Variants in SPNS3 observed in about 807,000 individuals in gnomAD.
The protein encoded by SPNS3 is protein spinster homolog 3.
SPNS3 carries 51 observed loss-of-function variants against 54.4 expected under a neutral mutation model. That is an observed-to-expected ratio of 0.94 (90% CI 0.75 to 1.18). The LOEUF (loss-of-function observed/expected upper bound fraction) is 1.18. SPNS3 is among the 50% of genes most tolerant of loss of function. The probability of loss-of-function intolerance (pLI) is 0.00; values close to 1 mark genes in which losing one functional copy is unlikely to be tolerated. For synonymous variants in SPNS3, 309 were observed against 294.7 expected (o/e 1.05, Z -0.50); for missense variants, 669 against 677.4 (o/e 0.99, Z 0.14).
At chr17:4,460,666 T>A (rs1405411544) in intron 8 of SPNS3, among the ~76,000 whole-genome samples, 1 of 151,660 alleles carries the variant, frequency 6.6e-6, no homozygotes, top group Admixed American at 6.6e-5. Flanking sequence ...ATTGTCTCGA[T>A]CTCCTGACCT....
chr17:4,435,002 C>T (rs1970677549), intron 1 of SPNS3, among the ~76,000 whole-genome samples: 1 of 147,290 alleles, frequency 6.8e-6, no homozygotes, highest in Non-Finnish European at 1.5e-5. Flanking sequence ...GGGGTTTTGC[C>T]GTGTATGCCA....
At chr17:4,452,455 G>A (rs569764983) in intron 7 of SPNS3, among the ~76,000 whole-genome samples, 76 of 152,090 alleles carry the variant, frequency 5.0e-4, no homozygotes, top group African/African-American at 1.4e-3. Flanking sequence ...GGAAAGGGAC[G>A]GAAGTCAGGT....
At chr17:4,454,728 C>A (rs1294153546) in intron 8 of SPNS3, among the ~76,000 whole-genome samples, 1 of 144,910 alleles carries the variant, frequency 6.9e-6, no homozygotes, top group African/African-American at 2.6e-5. Context: ...TCAAGTGATT[C>A]TCCTGACTCA....
chr17:4,470,410 A>G (rs2144164041), intron 8 of SPNS3, among the ~76,000 whole-genome samples: 1 of 152,328 alleles, frequency 6.6e-6, no homozygotes, highest in East Asian at 1.9e-4. Context: ...CCTGGGCAAC[A>G]GAGCAAGACC....
intron 5 of SPNS3, 126 bp from the exon 6 acceptor site, chr17:4,448,029 C>T (rs1971043762): frequency 2.2e-6 from 2 of 918,756 alleles, no homozygotes; most frequent in Admixed American, 3.8e-5. Context: ...CAGGTCACCC[C>T]CACTACCCCC....
chr17:4,446,544 C>T (rs1970992695), intron 4 of SPNS3: 1 of 514,252 alleles, frequency 1.9e-6, no homozygotes, highest in African/African-American at 1.9e-5. Flanking sequence ...CCACAACAGG[C>T]TAGGCCAGAG....
chr17:4,458,688 T>C (rs1160988704), intron 8 of SPNS3, among the ~76,000 whole-genome samples: 1 of 150,408 alleles, frequency 6.6e-6, no homozygotes, highest in Admixed American at 6.7e-5. Flanking sequence ...CTCTTTTCCT[T>C]CCCTTCCTTC....
At chr17:4,451,249 T>C (rs201164546) in intron 7 of SPNS3, among the ~76,000 whole-genome samples, 1 of 97,652 alleles carries the variant, frequency 1.0e-5, no homozygotes, top group Non-Finnish European at 2.3e-5. Flanking sequence ...TCTTCTTCTT[T>C]GTTTTTTTTT....
At chr17:4,475,010 C>T (rs565923461) in intron 8 of SPNS3, among the ~76,000 whole-genome samples, 6 of 151,882 alleles carry the variant, frequency 4.0e-5, no homozygotes, top group Non-Finnish European at 5.9e-5. Context: ...TGAGAGGCCT[C>T]GGCTGTGCGT....
chr17:4,474,570 C>T (rs569261277), intron 8 of SPNS3, among the ~76,000 whole-genome samples: 30 of 152,296 alleles, frequency 2.0e-4, no homozygotes, highest in African/African-American at 6.7e-4. Context: ...CCCGCCACCC[C>T]ACAGGGGCTG....
At chr17:4,450,467 G>A (rs1971133644) in intron 7 of SPNS3, among the ~76,000 whole-genome samples, 1 of 151,282 alleles carries the variant, frequency 6.6e-6, no homozygotes, top group Non-Finnish European at 1.5e-5. Context: ...AGGCTGGAGT[G>A]CAGTGGTACA....
At chr17:4,467,254 C>T (rs2144145904) in intron 8 of SPNS3, among the ~76,000 whole-genome samples, 1 of 152,026 alleles carries the variant, frequency 6.6e-6, no homozygotes, top group East Asian at 1.9e-4. Context: ...CCAGACTGTC[C>T]AGCGCAGAGG....
intron 11 of SPNS3, 80 bp from the exon 12 acceptor site, chr17:4,487,726 C>A: frequency 2.4e-6 from 3 of 1,262,638 alleles, no homozygotes; most frequent in Non-Finnish European, 3.5e-6. Context: ...GATTTCCTGA[C>A]AGCCCGTGCC....
intron 9 of SPNS3, among the ~76,000 whole-genome samples, chr17:4,485,783 G>A (rs917993388): frequency 1.3e-5 from 2 of 152,202 alleles, no homozygotes; most frequent in African/African-American, 4.8e-5. Flanking sequence ...CTGCCCCAGG[G>A]GCCTTGAGGT....
intron 2 of SPNS3, among the ~76,000 whole-genome samples, chr17:4,441,737 C>T (rs1970852602): frequency 6.6e-6 from 1 of 151,416 alleles, no homozygotes; most frequent in Non-Finnish European, 1.5e-5. Context: ...GCTGGAATTA[C>T]AGGCACCTGC....
At chr17:4,458,030 G>A (rs868727025) in intron 8 of SPNS3, among the ~76,000 whole-genome samples, 13 of 150,788 alleles carry the variant, frequency 8.6e-5, no homozygotes, top group Middle Eastern at 3.4e-3. Context: ...CCTTGGCTCT[G>A]TCTGTGCCTC....
At chr17:4,471,285 A>G (rs1971848022) in intron 8 of SPNS3, among the ~76,000 whole-genome samples, 2 of 152,032 alleles carry the variant, frequency 1.3e-5, no homozygotes, top group African/African-American at 4.8e-5. Flanking sequence ...ATTTAAGTAG[A>G]TTCAATGTTT....
intron 5 of SPNS3, 33 bp from the exon 6 acceptor site, chr17:4,448,122 G>C: frequency 6.5e-7 from 1 of 1,544,648 alleles, no homozygotes; most frequent in Non-Finnish European, 8.7e-7. Flanking sequence ...GATAATATGC[G>C]GCCCTGAGCT....
chr17:4,442,598 C>A (rs75606534), intron 2 of SPNS3, among the ~76,000 whole-genome samples: 16,148 of 151,850 alleles, frequency 0.11, 1,015 homozygotes, highest in African/African-American at 0.18. Context: ...CTCCCTCCAG[C>A]CACCCATGGG....
Sources: allele counts gnomAD v4.1 joint callset (sites outside exome capture counted in the v4.1 genomes callset), GRCh38; gene constraint gnomAD v4.1.1; transcripts MANE v1.5; gene names NCBI Gene and HGNC (gene_info 2026-07-23, HGNC 2026-07-21).